ASIC2: variants seen among roughly 807,000 people sequenced by gnomAD.
ASIC2 encodes acid sensing ion channel subunit 2.
Under a neutral mutation model 57.3 loss-of-function variants are expected in ASIC2, and 25 were observed. The ratio of observed to expected loss-of-function variants is 0.44; its 90% CI spans 0.32 to 0.61. ASIC2 has a LOEUF of 0.61. Among genes scored for constraint, ASIC2 ranks in the 20% least tolerant of loss-of-function variants. ASIC2 has a pLI of 0.06. For missense variants in ASIC2, 641 were observed against 738.1 expected (o/e 0.87, Z 1.52); for synonymous variants, 319 against 307.5 (o/e 1.04, Z -0.39).
At chr17:33,679,417 T>G (rs1907930858) in intron 1 of ASIC2, among the ~76,000 whole-genome samples, 2 of 152,192 alleles carry the variant, frequency 1.3e-5, no homozygotes, top group Non-Finnish European at 2.9e-5. Context: ...TTCCATTATC[T>G]CATTGTTTTA....
intron 1 of ASIC2, among the ~76,000 whole-genome samples, chr17:33,869,440 A>C (rs960874111): frequency 8.5e-5 from 13 of 152,220 alleles, no homozygotes; most frequent in Admixed American, 8.5e-4. Flanking sequence ...CTTGTACCTG[A>C]ATGTTCATAG....
intron 1 of ASIC2, among the ~76,000 whole-genome samples, chr17:33,623,200 C>CTCTA (rs1287946908): frequency 6.6e-6 from 1 of 151,962 alleles, no homozygotes; most frequent in East Asian, 1.9e-4. Context: ...GTAATTCCAA[C>CTCTA]TCTATCTGCT....
chr17:33,931,547 T>C (rs936966570), intron 1 of ASIC2, among the ~76,000 whole-genome samples: 6 of 152,216 alleles, frequency 3.9e-5, no homozygotes, highest in Admixed American at 6.5e-5. Flanking sequence ...GTCTCCTCCC[T>C]TACCTCTAGC....
intron 1 of ASIC2, among the ~76,000 whole-genome samples, chr17:33,420,752 A>C (rs11658129): frequency 0.011 from 1,679 of 152,276 alleles, 18 homozygotes; most frequent in South Asian, 0.022. Flanking sequence ...GGCTGACTTC[A>C]AGCTACCAAC....
chr17:33,099,900 T>C (rs538078884), intron 2 of ASIC2: 2 of 152,364 alleles, frequency 1.3e-5, no homozygotes, highest in East Asian at 3.9e-4. Flanking sequence ...AAAGCATTAC[T>C]GGATTCATAG....
chr17:34,084,004 T>G (rs945315399), intron 1 of ASIC2, among the ~76,000 whole-genome samples: 6 of 152,184 alleles, frequency 3.9e-5, no homozygotes, highest in Non-Finnish European at 2.9e-5. Context: ...TTTCTTTTGA[T>G]GTGCAGAAGC....
chr17:33,561,613 A>G (rs1169451632), intron 1 of ASIC2, among the ~76,000 whole-genome samples: 1 of 152,204 alleles, frequency 6.6e-6, no homozygotes, highest in Non-Finnish European at 1.5e-5. Context: ...GTAGAACACC[A>G]TCCATTTTCT....
At chr17:33,929,772 A>G (rs1915892455) in intron 1 of ASIC2, among the ~76,000 whole-genome samples, 1 of 152,160 alleles carries the variant, frequency 6.6e-6, no homozygotes, top group Non-Finnish European at 1.5e-5. Context: ...CCTTCACCTT[A>G]GCCAAAATAG....
At chr17:33,068,344 A>C (rs2092052509) in intron 3 of ASIC2, among the ~76,000 whole-genome samples, 1 of 152,076 alleles carries the variant, frequency 6.6e-6, no homozygotes, top group African/African-American at 2.4e-5. Flanking sequence ...GATCATCCTG[A>C]CCAACATGGA....
chr17:33,998,276 C>G (rs1906225360), intron 1 of ASIC2, among the ~76,000 whole-genome samples: 1 of 151,872 alleles, frequency 6.6e-6, no homozygotes, highest in Admixed American at 6.6e-5. Context: ...TTCTCTTTTT[C>G]TTAGTCCAGC....
intron 3 of ASIC2, among the ~76,000 whole-genome samples, chr17:33,066,132 G>A (rs987212686): frequency 3.3e-5 from 5 of 152,162 alleles, no homozygotes; most frequent in Admixed American, 2.0e-4. Flanking sequence ...TCCTTTCCCC[G>A]TGGCAGCTGA....
At chr17:34,127,356 A>G (rs752773132) in intron 1 of ASIC2, among the ~76,000 whole-genome samples, 2 of 152,152 alleles carry the variant, frequency 1.3e-5, no homozygotes, top group Non-Finnish European at 2.9e-5. Context: ...TCTGAACTCT[A>G]TAAAGCAAAA....
chr17:33,295,655 C>G (rs979815414), upstream of ASIC2, among the ~76,000 whole-genome samples: 6 of 152,138 alleles, frequency 3.9e-5, no homozygotes, highest in Non-Finnish European at 7.3e-5. Context: ...GGGACTACAC[C>G]TCCTTCATAT....
intron 1 of ASIC2, among the ~76,000 whole-genome samples, chr17:33,756,502 C>T (rs1910607863): frequency 6.6e-6 from 1 of 152,184 alleles, no homozygotes; most frequent in Admixed American, 6.5e-5. Context: ...CCAAGGTGGC[C>T]TTCTGAAAGG....
intron 1 of ASIC2, among the ~76,000 whole-genome samples, chr17:33,954,032 T>C (rs926037814): frequency 6.6e-6 from 1 of 152,100 alleles, no homozygotes; most frequent in Admixed American, 6.5e-5. Context: ...AGGAGTGAAT[T>C]AGAGAAAGGA....
At chr17:33,835,002 T>C (rs1007745) in intron 1 of ASIC2, among the ~76,000 whole-genome samples, 17,963 of 148,892 alleles carry the variant, frequency 0.12, 1,267 homozygotes, top group East Asian at 0.28. Context: ...TCAATAAATA[T>C]TTATTGAGTC....
chr17:34,082,854 G>C (rs1003797961), intron 1 of ASIC2, among the ~76,000 whole-genome samples: 1 of 152,208 alleles, frequency 6.6e-6, no homozygotes, highest in Non-Finnish European at 1.5e-5. Context: ...GTAAAAGACA[G>C]TTTGACCCCA....
intron 1 of ASIC2, among the ~76,000 whole-genome samples, chr17:33,965,552 A>G (rs1437585138): frequency 6.6e-6 from 1 of 152,218 alleles, no homozygotes; most frequent in East Asian, 1.9e-4. Flanking sequence ...CCCATACAAC[A>G]ATGACAACAA....
intron 1 of ASIC2, among the ~76,000 whole-genome samples, chr17:33,533,189 T>C (rs1050917409): frequency 1.3e-5 from 2 of 151,848 alleles, no homozygotes; most frequent in Non-Finnish European, 2.9e-5. Flanking sequence ...CTACTAAAAA[T>C]ACAAAAATTA....
Sources: allele counts gnomAD v4.1 joint callset (sites outside exome capture counted in the v4.1 genomes callset), GRCh38; gene constraint gnomAD v4.1.1; transcripts MANE v1.5; gene names NCBI Gene and HGNC (gene_info 2026-07-23, HGNC 2026-07-21).